Variants in AKAIN1 observed in about 807,000 individuals in gnomAD.
The protein encoded by AKAIN1 is A-kinase anchor protein inhibitor 1.
A neutral mutation model predicts 3.7 loss-of-function variants in AKAIN1; 3 were observed. The observed-to-expected ratio is 0.82, with a 90% CI of 0.37 to 2.12. AKAIN1 has a LOEUF of 2.12. AKAIN1 is among the 30% of genes most tolerant of loss of function. The pLI is 0.06. For synonymous variants in AKAIN1, 31 were observed against 30.8 expected (o/e 1.01, Z -0.02); for missense variants, 82 against 82.7 (o/e 0.99, Z 0.03).
intron 1 of AKAIN1, among the ~76,000 whole-genome samples, chr18:5,162,576 T>C (rs2071145399): frequency 6.6e-6 from 1 of 151,670 alleles, no homozygotes; most frequent in Admixed American, 6.6e-5. Context: ...AATATAAGGA[T>C]AAAAATATGT....
chr18:5,146,461 A>T (rs1367968667), intron 1 of AKAIN1, among the ~76,000 whole-genome samples: 1 of 152,188 alleles, frequency 6.6e-6, no homozygotes, highest in Non-Finnish European at 1.5e-5. Flanking sequence ...AACATTATTC[A>T]GGTTTTATGT....
At chr18:5,146,519 G>A (rs916910306) in intron 1 of AKAIN1, among the ~76,000 whole-genome samples, 1 of 152,170 alleles carries the variant, frequency 6.6e-6, no homozygotes, top group African/African-American at 2.4e-5. Context: ...CGCTGGGGCT[G>A]GAGAACAAAT....
chr18:5,162,622 A>ATG (rs2071145954), intron 1 of AKAIN1, among the ~76,000 whole-genome samples: 1 of 106,768 alleles, frequency 9.4e-6, no homozygotes. Context: ...GTTCAATGTG[A>ATG]TGCGTGTGTG....
At chr18:5,189,200 G>T (rs948021757) in intron 1 of AKAIN1, among the ~76,000 whole-genome samples, 2 of 152,090 alleles carry the variant, frequency 1.3e-5, no homozygotes, top group African/African-American at 4.8e-5. Flanking sequence ...AAACCATTCT[G>T]CCCTCTTAAA....
intron 1 of AKAIN1, 140 bp from the exon 2 acceptor site, chr18:5,145,895 C>T (rs1440966874): frequency 4.5e-6 from 3 of 671,188 alleles, no homozygotes; most frequent in African/African-American, 1.8e-5. Flanking sequence ...CTATGAGAAG[C>T]CCACTAGAGC....
chr18:5,162,241 T>A (rs546503795), intron 1 of AKAIN1, among the ~76,000 whole-genome samples: 3 of 152,164 alleles, frequency 2.0e-5, no homozygotes, highest in Admixed American at 2.0e-4. Flanking sequence ...CTAGGAAAGG[T>A]GGATCTCACT....
chr18:5,194,255 G>A (rs1233618755), intron 1 of AKAIN1, among the ~76,000 whole-genome samples: 1 of 152,152 alleles, frequency 6.6e-6, no homozygotes, highest in East Asian at 1.9e-4. Flanking sequence ...CCTTCAAGGG[G>A]TTTGAAAACT....
intron 1 of AKAIN1, among the ~76,000 whole-genome samples, chr18:5,155,918 T>A (rs1465053015): frequency 6.6e-6 from 1 of 152,238 alleles, no homozygotes; most frequent in East Asian, 1.9e-4. Flanking sequence ...ATAGGGAAAA[T>A]CCTTGACTCA....
intron 1 of AKAIN1, among the ~76,000 whole-genome samples, chr18:5,153,917 A>G (rs2143316383): frequency 6.6e-6 from 1 of 152,268 alleles, no homozygotes; most frequent in African/African-American, 2.4e-5. Flanking sequence ...GGGGCATATA[A>G]GAAATCTCTG....
Position 5,185,359 on chromosome 18 carries a change from C to T in AKAIN1, c.16+11679G>A, listed in dbSNP as rs187177315. Among the ~76,000 whole-genome samples, 200 of 152,260 alleles carry T rather than the reference C, an allele frequency of 1.3e-3. 3 individuals are homozygous for T. Among genetic ancestry groups the T allele is most frequent in the Non-Finnish European group, 2.6e-3 (177 of 68,006 alleles). On this transcript the variant is annotated intron_variant, in intron 1 of 1. Transcript: ENST00000434239. ...AATTGACAAACATGACCTAATTAAACTAAAGAGCTTTTGCGCAGCAAAAGA... is the reference window on the plus strand; with the variant it reads ...AATTGACAAACATGACCTAATTAAATTAAAGAGCTTTTGCGCAGCAAAAGA...
chr18:5,186,762 C>T (rs2071289850), intron 1 of AKAIN1, among the ~76,000 whole-genome samples: 1 of 152,138 alleles, frequency 6.6e-6, no homozygotes, highest in African/African-American at 2.4e-5. Flanking sequence ...GCATGTAAAA[C>T]ATTCACCAAG....
chr18:5,159,215 C>A (rs2071125585), intron 1 of AKAIN1: 1 of 151,378 alleles, frequency 6.6e-6, no homozygotes, highest in Non-Finnish European at 1.5e-5. Context: ...AAAAAAGTAG[C>A]TGAAGAAAAA....
intron 1 of AKAIN1, among the ~76,000 whole-genome samples, chr18:5,175,137 A>G (rs2071218964): frequency 6.6e-6 from 1 of 152,140 alleles, no homozygotes; most frequent in Non-Finnish European, 1.5e-5. Context: ...GTGAAATTCA[A>G]TGGAACAATG....
At chr18:5,151,805 G>GAAATATCTACAT (rs2071081482) in intron 1 of AKAIN1, among the ~76,000 whole-genome samples, 1 of 152,146 alleles carries the variant, frequency 6.6e-6, no homozygotes, top group Non-Finnish European at 1.5e-5. Context: ...ATTTATGGAG[G>GAAATATCTACAT]ACCTACATGT....
At chr18:5,195,706 T>C (rs1281511557) in intron 1 of AKAIN1, among the ~76,000 whole-genome samples, 6 of 152,232 alleles carry the variant, frequency 3.9e-5, no homozygotes, top group Non-Finnish European at 8.8e-5. Flanking sequence ...AGCATGAAAC[T>C]GCTTTGTAAA....
At position 5,197,178 on chromosome 18, in the gene AKAIN1, G is replaced by T. The variant is rs2071353761; in HGVS notation, c.-125C>A. 6.7e-7 allele frequency: 1 copy of T among 1,503,342 alleles called. No individual in the cohort carries two copies. The highest frequency in any genetic ancestry group is 8.8e-7 in the Non-Finnish European group (1 of 1,129,950). The allele number at this position is 1,503,342 out of a possible 1,614,324, so 93.1% of individuals were successfully genotyped here. A position where few individuals can be genotyped will look rare whatever the true frequency, so the allele number is the denominator to read the frequency against. ...GCGCTGGGCGGGCGGCGGGCGGGGC[G>T]GTCAGCACCCCGGACAGCTCCCGCC... On this transcript the variant is annotated 5_prime_UTR_variant, in exon 1 of 2. Coordinates refer to ENST00000434239, the MANE Select transcript of AKAIN1 (RefSeq NM_001145194.2). The surrounding 1 kb of genome is among the most constrained non-coding windows in gnomAD (Gnocchi z 6.9).
chr18:5,184,383 G>A (rs575553673), intron 1 of AKAIN1, among the ~76,000 whole-genome samples: 1 of 152,090 alleles, frequency 6.6e-6, no homozygotes, highest in Non-Finnish European at 1.5e-5. Context: ...CATCAAATAG[G>A]AGGAAAGTAA....
At chr18:5,152,944 T>A (rs2071087735) in intron 1 of AKAIN1, among the ~76,000 whole-genome samples, 1 of 152,174 alleles carries the variant, frequency 6.6e-6, no homozygotes, top group African/African-American at 2.4e-5. Flanking sequence ...TGTTTCCTCA[T>A]ATCTGTGCCA....
At position 5,149,070 on chromosome 18, in the gene AKAIN1, C is replaced by A. The variant is rs75282123; in HGVS notation, c.17-3315G>T. 2.2e-3 allele frequency among the ~76,000 whole-genome samples: 339 copies of A among 152,216 alleles called. 15 individuals are homozygous for A. The East Asian group carries it at 0.062, about 28-fold the overall frequency. On this transcript the variant is annotated intron_variant, in intron 1 of 1. Transcript: ENST00000434239. ...TACAGTGTATAAGTGTAAGGACAAA[C>A]AACAACAATTTCAAAAGGTTTAGGC...
Sources: gnomAD v4.1 joint callset for allele counts (sites outside exome capture counted in the v4.1 genomes callset) on GRCh38, gnomAD v4.1.1 for gene constraint, Gnocchi (gnomAD v3.1) non-coding constraint, MANE v1.5 for transcripts, NCBI Gene and HGNC (gene_info 2026-07-23, HGNC 2026-07-21) for gene names.